GFPT1: variants seen among roughly 807,000 people sequenced by gnomAD.
The protein encoded by GFPT1 is glutamine--fructose-6-phosphate aminotransferase [isomerizing] 1.
A neutral mutation model predicts 92.0 loss-of-function variants in GFPT1; 40 were observed. That is an observed-to-expected ratio of 0.43 (90% CI 0.34 to 0.57). GFPT1 has a LOEUF of 0.57. GFPT1 is among the 20% of genes least tolerant of loss of function. GFPT1 has a pLI of 0.02. For missense variants in GFPT1, 448 were observed against 869.1 expected, an observed-to-expected ratio of 0.52 and a Z score of 6.09; for synonymous variants, 269 against 280.6, an observed-to-expected ratio of 0.96 and a Z score of 0.41.
chr2:69,376,059 G>A (rs1671863460), intron 1 of GFPT1, among the ~76,000 whole-genome samples: 2 of 152,280 alleles, frequency 1.3e-5, no homozygotes, highest in South Asian at 4.1e-4. Flanking sequence ...ATGAATAAAC[G>A]AATAACCCAA....
chr2:69,341,043 T>C (rs1194996016), intron 13 of GFPT1, among the ~76,000 whole-genome samples: 1 of 151,688 alleles, frequency 6.6e-6, no homozygotes, highest in South Asian at 2.1e-4. Flanking sequence ...CACTGCAGCC[T>C]CACCTTCTGG....
In GFPT1 at chr2:69,363,545, C is replaced by T. The variant is rs1671531888; in HGVS notation, c.349G>A (p.Glu117Lys). 1 of 1,613,968 alleles carries T rather than the reference C, an allele frequency of 6.2e-7. No homozygotes were observed. Among genetic ancestry groups the T allele is most frequent in the Non-Finnish European group, 8.5e-7 (1 of 1,179,872 alleles). Reference protein sequence around the residue: ...SHPQRSDKNNEFIVIHNGIIT... With the variant: ...SHPQRSDKNNKFIVIHNGIIT... ...CAAAGCACAAAAAATCTTTCCATAC[C>T]ATTATTTTTATCAGAGCGCTGGGGG... Residue 117 changes from glutamate (E) to lysine (K), a missense_variant and splice_region_variant, in exon 4 of 20, where the codon GAA (glutamate) becomes AAA (lysine). Around this residue, in one of 7 missense-constraint regions of GFPT1, gnomAD observed 118 missense variants for 192.9 expected, o/e 0.61. Coordinates refer to ENST00000357308, the MANE Select transcript of GFPT1 (RefSeq NM_001244710.2).
chr2:69,353,838 C>T (rs66931274), intron 9 of GFPT1, among the ~76,000 whole-genome samples: 19,458 of 152,156 alleles, frequency 0.13, 1,402 homozygotes, highest in Non-Finnish European at 0.16. Context: ...GTAAATCCAA[C>T]AATATGTCAT....
intron 3 of GFPT1, among the ~76,000 whole-genome samples, chr2:69,366,376 G>A (rs1226192403): frequency 1.3e-5 from 2 of 151,996 alleles, no homozygotes. Flanking sequence ...AATCCTTGAC[G>A]CTTCCTTATT....
intron 1 of GFPT1, among the ~76,000 whole-genome samples, chr2:69,381,856 T>G (rs776944494): frequency 1.5e-5 from 2 of 131,316 alleles, no homozygotes; most frequent in Non-Finnish European, 3.1e-5. Context: ...ACTGGCTACT[T>G]ATAACTCTTT....
Position 69,368,983 on chromosome 2 carries a change from A to G in GFPT1, c.223+1018T>C, listed in dbSNP as rs77559308. Among the ~76,000 whole-genome samples the G allele has an allele frequency of 3.5e-3, 527 of 152,198 alleles. 3 individuals carry two copies. Among genetic ancestry groups the G allele is most frequent in the African/African-American group, 0.011 (467 of 41,534 alleles). On this transcript the variant is annotated intron_variant, in intron 3 of 19. Coordinates refer to ENST00000357308, the MANE Select transcript of GFPT1 (RefSeq NM_001244710.2). ...CAAATATAATCAGCACCCATTCCCT[A>G]TGTATTCCCAGTCTCGTCAACTTGT...
intron 1 of GFPT1, among the ~76,000 whole-genome samples, chr2:69,376,533 A>AG (rs1288791458): frequency 6.6e-6 from 1 of 151,592 alleles, no homozygotes. Flanking sequence ...GAAAAAAAAA[A>AG]AAGTGTGAAA....
In GFPT1 at chr2:69,326,913, C is replaced by G; in HGVS notation, c.2055+1G>C. 6.2e-7 allele frequency: 1 copy of G among 1,614,032 alleles called. No homozygotes were observed. The highest frequency in any genetic ancestry group is 8.5e-7 in the Non-Finnish European group (1 of 1,179,890). ...GATTTCTGCAGTGGTAGATGACTTA[C>G]ATCATAGCCTCTCAGCACAGCAAGG... On this transcript the variant is annotated splice_donor_variant, in intron 19 of 19. Transcript: ENST00000357308. LOFTEE classifies it high-confidence loss of function.
chr2:69,326,810 T>G, intron 19 of GFPT1, 104 bp downstream of exon 19: 1 of 1,086,222 alleles, frequency 9.2e-7, no homozygotes, highest in Non-Finnish European at 1.4e-6. Flanking sequence ...GATATATATT[T>G]GATAGATTTC....
chr2:69,383,095 G>A (rs76900387), intron 1 of GFPT1, among the ~76,000 whole-genome samples: 5 of 152,014 alleles, frequency 3.3e-5, no homozygotes, highest in South Asian at 2.1e-4. Context: ...TGAAATATAC[G>A]GTCAAAAAAT....
intron 3 of GFPT1, among the ~76,000 whole-genome samples, chr2:69,368,738 G>GAA (rs70954342): frequency 3.1e-5 from 4 of 129,540 alleles, no homozygotes; most frequent in East Asian, 2.2e-4. Flanking sequence ...GGGAAGGGAA[G>GAA]AAAAAAAAAA....
intron 9 of GFPT1, among the ~76,000 whole-genome samples, chr2:69,350,413 T>G (rs1490094869): frequency 1.3e-5 from 2 of 152,070 alleles, no homozygotes; most frequent in Admixed American, 1.3e-4. Context: ...CAGGTAAAAG[T>G]GCTACATTAT....
Position 69,322,759 on chromosome 2 carries a change from G to C in GFPT1, c.*3430C>G, listed in dbSNP as rs1200645664. 1 of 152,196 alleles carries C rather than the reference G, an allele frequency of 6.6e-6. No individual in the cohort carries two copies. Among genetic ancestry groups the C allele is most frequent in the Non-Finnish European group, 1.5e-5 (1 of 68,024 alleles). 9.4% of individuals were successfully genotyped at this position (152,196 alleles called of 1,614,324 possible). On this transcript the variant is annotated 3_prime_UTR_variant, in exon 20 of 20. Coordinates refer to ENST00000357308, the MANE Select transcript of GFPT1 (RefSeq NM_001244710.2). ...TTTTCATCTTTGCATATTAAGGACT[G>C]TTGTTAACAGATTTATGGGTCATTT...
At chr2:69,328,199 T>C (rs1305132454) in intron 18 of GFPT1, 72 bp downstream of exon 18, 8 of 1,149,978 alleles carry the variant, frequency 7.0e-6, no homozygotes, top group Non-Finnish European at 1.1e-5. Flanking sequence ...ACATGTTTTG[T>C]AAGTCATTCA....
At chr2:69,345,769 A>G (rs1671066882) in intron 12 of GFPT1, 135 bp downstream of exon 12, 1 of 645,786 alleles carries the variant, frequency 1.5e-6, no homozygotes. Context: ...TTTTTCCAAG[A>G]TGGCTGGGCT....
chr2:69,345,224 C>T (rs1394172032), intron 12 of GFPT1, among the ~76,000 whole-genome samples: 1 of 152,066 alleles, frequency 6.6e-6, no homozygotes. Flanking sequence ...CCACTGCACC[C>T]CAGCCTGGGC....
rs1005465632 is a variant in GFPT1 at position 69,387,093 on chromosome 2, G to A, written c.-22C>T. The A allele has an allele frequency of 6.5e-7, 1 of 1,533,336 alleles. No homozygotes were observed. 95.0% of individuals were successfully genotyped at this position (1,533,336 alleles called of 1,614,324 possible). Reference sequence around the variant, plus strand: ...ACATGATGCCGGAGACACGGCCCGCGAGGCCAGGGGCGAGTGGCTGGCGGG... The same window carrying A: ...ACATGATGCCGGAGACACGGCCCGCAAGGCCAGGGGCGAGTGGCTGGCGGG... On this transcript the variant is annotated 5_prime_UTR_variant, in exon 1 of 20. Coordinates refer to ENST00000357308, the MANE Select transcript of GFPT1 (RefSeq NM_001244710.2).
chr2:69,345,982 TA>T lies in GFPT1; in HGVS notation c.1026del (p.Phe342LeufsTer14). ...QQIMKGNFSS[F>X]MQKEIFEQPE... Reference sequence around the variant, plus strand: ...GGCTGCTCAAATATTTCCTTCTGCATAAATGAACTGAAGTTGCCTATAGTAA... The same window carrying T: ...GGCTGCTCAAATATTTCCTTCTGCATAATGAACTGAAGTTGCCTATAGTAA... On this transcript the variant is annotated frameshift_variant, in exon 12 of 20. Coordinates refer to ENST00000357308, the MANE Select transcript of GFPT1 (RefSeq NM_001244710.2). LOFTEE classifies it high-confidence loss of function. 1 of 1,597,768 alleles carries T rather than the reference TA, an allele frequency of 6.3e-7. No individual in the cohort carries two copies. Among genetic ancestry groups the T allele is most frequent in the Non-Finnish European group, 8.6e-7 (1 of 1,165,078 alleles).
At chr2:69,332,823 T>C (rs1374326667) in intron 15 of GFPT1, among the ~76,000 whole-genome samples, 6 of 151,870 alleles carry the variant, frequency 4.0e-5, no homozygotes, top group Non-Finnish European at 7.4e-5. Flanking sequence ...TGAATTTCTA[T>C]TACTCTTCTC....
Sources: allele counts gnomAD v4.1 joint callset (sites outside exome capture counted in the v4.1 genomes callset), GRCh38; gene constraint gnomAD v4.1.1; regional missense constraint gnomAD v4.1.1; transcripts MANE v1.5; gene names NCBI Gene and HGNC (gene_info 2026-07-23, HGNC 2026-07-21).